TCF20: variants seen among roughly 807,000 people sequenced by gnomAD.
TCF20 encodes SPRE-binding protein.
In TCF20, 3 loss-of-function variants were observed where a neutral mutation model predicts 148.6. The ratio of observed to expected loss-of-function variants is 0.02; its 90% CI spans 0.01 to 0.05. TCF20 has a LOEUF of 0.05. Among genes scored for constraint, TCF20 ranks in the 10% least tolerant of loss-of-function variants. The probability of loss-of-function intolerance (pLI) is 1.00; values close to 1 mark genes in which losing one functional copy is unlikely to be tolerated. For missense variants in TCF20, 2,350 were observed against 2,429.3 expected (o/e 0.97, Z 0.69); for synonymous variants, 1,049 against 909.5 (o/e 1.15, Z -2.76).
chr22:42,163,688 G>A (rs1935602010), intron 5 of TCF20, among the ~76,000 whole-genome samples: 1 of 152,224 alleles, frequency 6.6e-6, no homozygotes, highest in Admixed American at 6.5e-5. Flanking sequence ...GGCATGGGGT[G>A]TGGCTGAGAG....
intron 1 of TCF20, among the ~76,000 whole-genome samples, chr22:42,247,041 C>G (rs546726606): frequency 1.3e-5 from 2 of 149,508 alleles, no homozygotes; most frequent in South Asian, 4.3e-4. Context: ...AAAGGTGCAC[C>G]AGAAAATTAC....
At chr22:42,165,209 T>A (rs1318007614) in intron 5 of TCF20, among the ~76,000 whole-genome samples, 2 of 152,222 alleles carry the variant, frequency 1.3e-5, no homozygotes, top group Non-Finnish European at 2.9e-5. Flanking sequence ...CTCTAGAATG[T>A]GACATTCATG....
chr22:42,214,914 C>T lies in TCF20; in HGVS notation c.392G>A (p.Gly131Glu). 1 of 1,614,228 alleles carries T rather than the reference C, an allele frequency of 6.2e-7. No individual in the cohort carries two copies. Among genetic ancestry groups the T allele is most frequent in the South Asian group, 1.1e-5 (1 of 91,082 alleles). Residue 131 changes from glycine (G) to glutamate (E), a missense_variant, in exon 2 of 6, where the codon GGG becomes GAG. By Grantham distance (98) the Gly-to-Glu change is moderately conservative. Coordinates refer to ENST00000677622, the MANE Select transcript of TCF20 (RefSeq NM_001378418.1). ...AAACTGGCCCACATGACCCTCACTC[C>T]CATACTGATTGCCAAAGCTGCTCCC... ...PQGSSFGNQY[G>E]SEGHVGQFQA...
chr22:42,285,515 AT>A (rs1293856801), upstream of TCF20, among the ~76,000 whole-genome samples: 2 of 152,186 alleles, frequency 1.3e-5, no homozygotes, highest in Non-Finnish European at 2.9e-5. This position sits in a 1 kb window ranked among gnomAD's most constrained non-coding sequence, Gnocchi z 4.2. Context: ...CACAGGAGGC[AT>A]TCCGCAGCCC....
At chr22:42,308,085 C>T (rs1176240608) in intron 1 of TCF20, among the ~76,000 whole-genome samples, 2 of 152,344 alleles carry the variant, frequency 1.3e-5, no homozygotes, top group South Asian at 4.1e-4. Context: ...TCCTTCCAGG[C>T]CATTATCTCG....
chr22:42,176,848 G>T (rs578185310), intron 3 of TCF20, among the ~76,000 whole-genome samples: 1 of 152,292 alleles, frequency 6.6e-6, no homozygotes, highest in South Asian at 2.1e-4. Flanking sequence ...CCAGGAAGGG[G>T]AAAGGAAAGG....
intron 1 of TCF20, among the ~76,000 whole-genome samples, chr22:42,254,507 T>C (rs1242365929): frequency 6.6e-6 from 1 of 152,146 alleles, no homozygotes; most frequent in African/African-American, 2.4e-5. Flanking sequence ...CTTGTAACAG[T>C]GTTTTGTTAT....
In TCF20 at chr22:42,212,255, T is replaced by C; in HGVS notation, c.3051A>G (p.Lys1017=). 6.2e-7 allele frequency: 1 copy of C among 1,614,046 alleles called. No individual in the cohort carries two copies. The stretch of plus-strand genomic sequence containing the variant: ...GGCCTCTGCTCCGCCCAGGAGACAT[T>C]TTCAATTTTTCTGCAAAGTCATGAT... The part of the protein sequence containing the change: ...SQYHDFAEKL[K]MSPGRSRGPG... The change falls in exon 2 of 6, where the codon AAA becomes AAG. Residue 1017 remains lysine (K), a synonymous_variant. Coordinates refer to ENST00000677622, the MANE Select transcript of TCF20 (RefSeq NM_001378418.1).
intron 2 of TCF20, among the ~76,000 whole-genome samples, chr22:42,195,726 C>T (rs1175659283): frequency 3.3e-5 from 5 of 152,152 alleles, no homozygotes; most frequent in African/African-American, 1.2e-4. Flanking sequence ...TCTCAAACTC[C>T]TGACCTCAGG....
chr22:42,215,522 G>T, intron 1 of TCF20, 181 bp from the exon 2 acceptor site: 1 of 754,104 alleles, frequency 1.3e-6, no homozygotes, highest in Non-Finnish European at 2.0e-6. Flanking sequence ...CCAGGCTGGA[G>T]TGCAATTGCA....
chr22:42,246,972 T>TG (rs1924966172), intron 1 of TCF20, among the ~76,000 whole-genome samples: 1 of 65,670 alleles, frequency 1.5e-5, no homozygotes, highest in African/African-American at 6.3e-5. Flanking sequence ...TCTCAAAAAA[T>TG]TAAAAAAAAA....
chr22:42,238,358 C>T (rs1328067083), intron 1 of TCF20, among the ~76,000 whole-genome samples: 2 of 152,182 alleles, frequency 1.3e-5, no homozygotes, highest in Non-Finnish European at 2.9e-5. Flanking sequence ...GGGAATGTTG[C>T]GGCTGGTTGA....
At chr22:42,321,823 T>C (rs768463823) in intron 1 of TCF20, among the ~76,000 whole-genome samples, 1 of 151,748 alleles carries the variant, frequency 6.6e-6, no homozygotes, top group South Asian at 2.1e-4. Flanking sequence ...GGCAAATGCC[T>C]GTAATCCCAG....
intron 2 of TCF20, among the ~76,000 whole-genome samples, chr22:42,180,799 G>C (rs1240112063): frequency 6.6e-6 from 1 of 152,172 alleles, no homozygotes; most frequent in Admixed American, 6.5e-5. Context: ...TGAAACTCTT[G>C]AGACACCAAA....
chr22:42,242,224 A>AAAAAAAAC (rs1555942548), intron 1 of TCF20, among the ~76,000 whole-genome samples: 3 of 147,694 alleles, frequency 2.0e-5, no homozygotes, highest in African/African-American at 7.9e-5. Flanking sequence ...AAAAAAAAAA[A>AAAAAAAAC]AAACAGAAAA....
intron 1 of TCF20, among the ~76,000 whole-genome samples, chr22:42,339,556 C>T (rs987498672): frequency 2.0e-5 from 3 of 152,218 alleles, no homozygotes; most frequent in Non-Finnish European, 2.9e-5. Flanking sequence ...GAAATGACCA[C>T]AAAAACGGCG....
intron 5 of TCF20, among the ~76,000 whole-genome samples, chr22:42,168,306 A>G (rs182994638): frequency 4.2e-4 from 64 of 152,258 alleles, no homozygotes; most frequent in African/African-American, 1.5e-3. Flanking sequence ...TGCCCAAGAA[A>G]GAGACCTAAA....
At chr22:42,204,426 C>T (rs1049465821) in intron 2 of TCF20, among the ~76,000 whole-genome samples, 10 of 151,840 alleles carry the variant, frequency 6.6e-5, no homozygotes, top group East Asian at 1.9e-4. Context: ...ATACAGGAGG[C>T]GGAGGTTGCC....
intron 1 of TCF20, among the ~76,000 whole-genome samples, chr22:42,319,074 C>A (rs572050737): frequency 6.6e-6 from 1 of 152,338 alleles, no homozygotes; most frequent in Admixed American, 6.5e-5. Context: ...GCCCCACATG[C>A]AGGGAACATT....
Sources: gnomAD v4.1 joint callset for allele counts (sites outside exome capture counted in the v4.1 genomes callset) on GRCh38, gnomAD v4.1.1 for gene constraint, Gnocchi (gnomAD v3.1) non-coding constraint, MANE v1.5 for transcripts, NCBI Gene and HGNC (gene_info 2026-07-23, HGNC 2026-07-21) for gene names.